The following CKMT2 variants were observed in gnomAD, a reference collection of about 807,000 sequenced individuals.
CKMT2 encodes creatine kinase S-type, mitochondrial.
Under a neutral mutation model 48.9 loss-of-function variants are expected in CKMT2, and 43 were observed. That is an observed-to-expected ratio of 0.88 (90% CI 0.69 to 1.13). The LOEUF is 1.13. CKMT2 is among the 50% of genes most tolerant of loss of function. The pLI is 0.00. For synonymous variants in CKMT2, 206 were observed against 213.0 expected, an observed-to-expected ratio of 0.97 and a Z score of 0.29; for missense variants, 472 against 555.4, an observed-to-expected ratio of 0.85 and a Z score of 1.51.
At chr5:81,259,920 A>ATTCT (rs1757152864) in intron 8 of CKMT2, among the ~76,000 whole-genome samples, 1 of 152,198 alleles carries the variant, frequency 6.6e-6, no homozygotes, top group East Asian at 1.9e-4. Flanking sequence ...GAATATGTAC[A>ATTCT]TTCTTCTCAG....
intron 6 of CKMT2, among the ~76,000 whole-genome samples, chr5:81,257,248 G>A (rs559326907): frequency 1.3e-5 from 2 of 152,066 alleles, no homozygotes; most frequent in East Asian, 1.9e-4. Flanking sequence ...TTATGTGCCT[G>A]AAGGAGCAGA....
chr5:81,258,011 C>A (rs1337670036), intron 7 of CKMT2, 155 bp downstream of exon 7: 1 of 610,868 alleles, frequency 1.6e-6, no homozygotes, highest in Non-Finnish European at 2.7e-6. Context: ...GTGATTATCC[C>A]GCCTCAGCCT....
chr5:81,255,237 T>TG, intron 5 of CKMT2, 23 bp downstream of exon 5: 3 of 1,606,254 alleles, frequency 1.9e-6, no homozygotes, highest in South Asian at 1.1e-5. Flanking sequence ...TGGGGCTCCC[T>TG]GGGGAAGGAC....
intron 8 of CKMT2, among the ~76,000 whole-genome samples, chr5:81,261,563 CAG>C (rs1266826411): frequency 1.3e-5 from 2 of 151,244 alleles, no homozygotes; most frequent in Admixed American, 6.6e-5. Context: ...AATAGACAAA[CAG>C]AGCCAAATCA....
At chr5:81,257,985 C>T (rs985175373) in intron 7 of CKMT2, 129 bp downstream of exon 7, 90 of 833,056 alleles carry the variant, frequency 1.1e-4, no homozygotes, top group Admixed American at 1.0e-3. Context: ...AAGCAACTGC[C>T]GCCTCCCAGG....
chr5:81,260,450 G>A (rs1024636459), intron 8 of CKMT2, among the ~76,000 whole-genome samples: 46 of 152,234 alleles, frequency 3.0e-4, no homozygotes, highest in African/African-American at 1.1e-3. Flanking sequence ...CGGGTTTTTT[G>A]AAAAGATTAA....
At chr5:81,243,430 C>T (rs917194519) in intron 1 of CKMT2, among the ~76,000 whole-genome samples, 5 of 152,048 alleles carry the variant, frequency 3.3e-5, no homozygotes, top group Admixed American at 2.0e-4. Context: ...ATAACTGTTT[C>T]TAAAACAAAT....
At position 81,265,304 on chromosome 5, in the gene CKMT2, T is replaced by G. The variant is rs372060392; in HGVS notation, c.1141-835T>G. On this transcript the variant is annotated intron_variant, in intron 9 of 9. Transcript: ENST00000254035. ...AGTGACTAACATTCTGATTCAACCCTCTCTTGGGGCCTAAGTTTCCTTATG... is the reference window on the plus strand; with the variant it reads ...AGTGACTAACATTCTGATTCAACCCGCTCTTGGGGCCTAAGTTTCCTTATG... 1.4e-4 allele frequency among the ~76,000 whole-genome samples: 22 copies of G among 152,284 alleles called. No homozygotes were observed. In the East Asian group the frequency reaches 2.7e-3, roughly 19 times the overall value.
At chr5:81,252,419 CA>C (rs1409092421) in intron 2 of CKMT2, 3 of 471,920 alleles carry the variant, frequency 6.4e-6, no homozygotes, top group Non-Finnish European at 1.2e-5. Context: ...AGACAGCACC[CA>C]ATTTGATTTC....
Position 81,254,889 on chromosome 5 carries a change from G to GA in CKMT2, c.448-103dup. On this transcript the variant is annotated intron_variant, in intron 4 of 9. Coordinates refer to ENST00000254035, the MANE Select transcript of CKMT2 (RefSeq NM_001099735.2). Reference sequence around the variant, plus strand: ...GATTGTGCAGTCGTGCACAGTGCCTGAGGGTCCCCAGGGAAACTGCAGATT... The same window carrying GA: ...GATTGTGCAGTCGTGCACAGTGCCTGAAGGGTCCCCAGGGAAACTGCAGATT... 4.2e-6 allele frequency: 4 copies of GA among 953,416 alleles called. No homozygotes were observed. The South Asian group carries it at 5.3e-5, about 13-fold the overall frequency. 59.1% of individuals were successfully genotyped at this position (953,416 alleles called of 1,614,324 possible). A position where few individuals can be genotyped will look rare whatever the true frequency, so the allele number is the denominator to read the frequency against.
At chr5:81,250,279 T>C (rs893475417) in intron 1 of CKMT2, among the ~76,000 whole-genome samples, 1 of 152,236 alleles carries the variant, frequency 6.6e-6, no homozygotes, top group African/African-American at 2.4e-5. Context: ...TCATTCTTAA[T>C]AGTCTCTTGT....
Position 81,257,811 on chromosome 5 carries a change from C to CA in CKMT2, c.836dup (p.Asn279LysfsTer7). Reference sequence around the variant, plus strand: ...GGGTAATCTCAATGGAAAAAGGAGGCAATATGAAACGAGTATTTGAGCGAT... The same window carrying CA: ...GGGTAATCTCAATGGAAAAAGGAGGCAAATATGAAACGAGTATTTGAGCGAT... On this transcript the variant is annotated frameshift_variant, in exon 7 of 10. Coordinates refer to ENST00000254035, the MANE Select transcript of CKMT2 (RefSeq NM_001099735.2). LOFTEE classifies it high-confidence loss of function. 1 of 1,613,328 alleles carries CA rather than the reference C, an allele frequency of 6.2e-7. No individual in the cohort carries two copies. Among genetic ancestry groups the CA allele is most frequent in the Non-Finnish European group, 8.5e-7 (1 of 1,179,456 alleles).
intron 8 of CKMT2, among the ~76,000 whole-genome samples, chr5:81,260,424 T>C (rs1033524657): frequency 2.6e-5 from 4 of 151,982 alleles, no homozygotes; most frequent in Non-Finnish European, 5.9e-5. Context: ...CTTCAAAAAA[T>C]CAGTGAATCC....
At chr5:81,261,943 A>T (rs1169233730) in intron 8 of CKMT2, among the ~76,000 whole-genome samples, 1 of 152,232 alleles carries the variant, frequency 6.6e-6, no homozygotes, top group Non-Finnish European at 1.5e-5. Context: ...TTCAAACTAT[A>T]CTACAAGGCT....
At chr5:81,246,591 C>G (rs1469837538) in intron 1 of CKMT2, among the ~76,000 whole-genome samples, 1 of 152,214 alleles carries the variant, frequency 6.6e-6, no homozygotes. Context: ...TGCTCACTTT[C>G]ATATCATTAT....
chr5:81,241,622 C>CAAAT (rs1426627812), intron 1 of CKMT2, among the ~76,000 whole-genome samples: 1 of 152,200 alleles, frequency 6.6e-6, no homozygotes, highest in East Asian at 1.9e-4. Flanking sequence ...TTAGCGAACA[C>CAAAT]AAATGGTCAC....
chr5:81,266,237 G>A lies in CKMT2; in HGVS notation c.1239G>A (p.Leu413=). 1.9e-6 allele frequency: 3 copies of A among 1,613,186 alleles called. No individual in the cohort carries two copies. The highest frequency in any genetic ancestry group is 2.5e-6 in the Non-Finnish European group (3 of 1,179,240). Residue 413 remains leucine (L), a synonymous_variant, in exon 10 of 10, where the codon CTG becomes CTA. Transcript: ENST00000254035. ...AAGATATTAAGGTGCCACCCCCTCT[G>A]CCTCAGTTTGGCAAAAAGTAAACTT... ...RGQDIKVPPP[L]PQFGKK
At chr5:81,249,558 A>G (rs1756731686) in intron 1 of CKMT2, among the ~76,000 whole-genome samples, 1 of 152,184 alleles carries the variant, frequency 6.6e-6, no homozygotes, top group Non-Finnish European at 1.5e-5. Flanking sequence ...CTGTCTGTGC[A>G]TGTTTATCCT....
intron 3 of CKMT2, 81 bp from the exon 4 acceptor site, chr5:81,254,315 T>C (rs1465437985): frequency 1.6e-6 from 2 of 1,235,738 alleles, no homozygotes; most frequent in Non-Finnish European, 2.4e-6. Context: ...GCTTTTAAGA[T>C]ACAAGGGGCA....
Sources: gnomAD v4.1 joint callset for allele counts (sites outside exome capture counted in the v4.1 genomes callset) on GRCh38, gnomAD v4.1.1 for gene constraint, MANE v1.5 for transcripts, NCBI Gene and HGNC (gene_info 2026-07-23, HGNC 2026-07-21) for gene names.